Variants in EPHA6 observed in about 807,000 individuals in gnomAD.
EPHA6 encodes the protein ephrin type-A receptor 6.
A neutral mutation model predicts 112.0 loss-of-function variants in EPHA6; 50 were observed. That is an observed-to-expected ratio of 0.45 (90% CI 0.36 to 0.56). The LOEUF (loss-of-function observed/expected upper bound fraction) is 0.56, where lower values mean the gene tolerates loss of function less well. Among genes scored for constraint, EPHA6 ranks in the 20% least tolerant of loss-of-function variants. The probability of loss-of-function intolerance (pLI) is 0.00; values close to 1 mark genes in which losing one functional copy is unlikely to be tolerated. For missense variants in EPHA6, 1,280 were observed against 1,417.4 expected (o/e 0.90, Z 1.56); for synonymous variants, 529 against 490.7 (o/e 1.08, Z -1.03).
At chr3:97,530,981 C>T (rs2092688852) in intron 10 of EPHA6, among the ~76,000 whole-genome samples, 3 of 151,998 alleles carry the variant, frequency 2.0e-5, no homozygotes, top group Non-Finnish European at 4.4e-5. Flanking sequence ...TATGCTTAAA[C>T]TTATATTGTG....
intron 16 of EPHA6, among the ~76,000 whole-genome samples, chr3:97,743,419 C>A (rs938605107): frequency 1.3e-5 from 2 of 151,972 alleles, no homozygotes; most frequent in African/African-American, 4.8e-5. Flanking sequence ...GAATTTTTCC[C>A]AAAGAAGTTA....
chr3:97,468,157 T>G (rs1424540817), intron 7 of EPHA6, among the ~76,000 whole-genome samples: 1 of 148,896 alleles, frequency 6.7e-6, no homozygotes, highest in Non-Finnish European at 1.5e-5. Context: ...AAAAAAAAAG[T>G]ATGATCCCTG....
chr3:97,569,285 A>G (rs2093306358), intron 11 of EPHA6, among the ~76,000 whole-genome samples: 1 of 152,236 alleles, frequency 6.6e-6, no homozygotes, highest in African/African-American at 2.4e-5. Context: ...AGTGTTCAAT[A>G]AAAGCCTATT....
chr3:97,118,324 T>G (rs2047951690), intron 3 of EPHA6, among the ~76,000 whole-genome samples: 1 of 151,798 alleles, frequency 6.6e-6, no homozygotes. Context: ...GGTTCAGTTT[T>G]GGAGACTTTC....
At chr3:97,486,821 G>A (rs935565776) in intron 10 of EPHA6, among the ~76,000 whole-genome samples, 9 of 152,144 alleles carry the variant, frequency 5.9e-5, no homozygotes, top group Non-Finnish European at 8.8e-5. Context: ...CAGCAGTGTG[G>A]ACAAAACATT....
At chr3:96,939,705 A>G (rs1012228914) in intron 2 of EPHA6, among the ~76,000 whole-genome samples, 2 of 152,032 alleles carry the variant, frequency 1.3e-5, no homozygotes, top group Non-Finnish European at 2.9e-5. Flanking sequence ...TAGGGTGTCA[A>G]TTTAGGATCT....
intron 3 of EPHA6, among the ~76,000 whole-genome samples, chr3:97,219,061 A>C (rs1176271263): frequency 6.6e-6 from 1 of 152,102 alleles, no homozygotes; most frequent in African/African-American, 2.4e-5. Context: ...ACCCTGATGC[A>C]AGAGGTGGGC....
intron 3 of EPHA6, among the ~76,000 whole-genome samples, chr3:97,001,269 A>C (rs558181914): frequency 6.6e-6 from 1 of 152,018 alleles, no homozygotes; most frequent in Non-Finnish European, 1.5e-5. Context: ...TATTTGAAGA[A>C]TAATGTATTT....
intron 11 of EPHA6, among the ~76,000 whole-genome samples, chr3:97,589,703 T>G (rs1054810310): frequency 4.6e-5 from 7 of 152,142 alleles, no homozygotes; most frequent in Admixed American, 2.0e-4. Flanking sequence ...TTTAGAATAT[T>G]GTATGTGAAA....
At chr3:96,897,534 T>A (rs2038347137) in intron 2 of EPHA6, among the ~76,000 whole-genome samples, 1 of 152,180 alleles carries the variant, frequency 6.6e-6, no homozygotes, top group African/African-American at 2.4e-5. Context: ...CACTCTCTGT[T>A]TAGAAATGCA....
At chr3:97,091,158 A>T (rs1288795940) in intron 3 of EPHA6, among the ~76,000 whole-genome samples, 1 of 152,130 alleles carries the variant, frequency 6.6e-6, no homozygotes, top group Non-Finnish European at 1.5e-5. Flanking sequence ...GTGATTTCCC[A>T]TCCTGATCAA....
At chr3:97,685,081 T>C (rs1174357500) in intron 14 of EPHA6, among the ~76,000 whole-genome samples, 1 of 152,092 alleles carries the variant, frequency 6.6e-6, no homozygotes, top group Non-Finnish European at 1.5e-5. Context: ...ATTTGATAGG[T>C]TTTCCCAAAT....
intron 1 of EPHA6, among the ~76,000 whole-genome samples, chr3:96,821,544 G>C (rs1466391556): frequency 6.6e-6 from 1 of 151,812 alleles, no homozygotes; most frequent in Admixed American, 6.6e-5. Context: ...TGACTAGGCA[G>C]TGTATTTGCC....
At chr3:96,922,188 C>T (rs1338997053) in intron 2 of EPHA6, among the ~76,000 whole-genome samples, 3 of 152,146 alleles carry the variant, frequency 2.0e-5, no homozygotes, top group African/African-American at 7.2e-5. Flanking sequence ...AACTCTATTT[C>T]TGGTTAGCCA....
rs374288696 is a variant in EPHA6 at position 97,384,625 on chromosome 3, A to G, written c.1607-20525A>G. Among the ~76,000 whole-genome samples, 58 of 152,348 alleles carry G rather than the reference A, an allele frequency of 3.8e-4. 1 individual carries two copies. Among genetic ancestry groups the G allele is most frequent in the Middle Eastern group, 6.8e-3 (2 of 294 alleles). On this transcript the variant is annotated intron_variant, in intron 5 of 17. Coordinates refer to ENST00000389672, the MANE Select transcript of EPHA6 (RefSeq NM_001080448.3). ...CAAACTCTTGAGCCTGAGTCAACAG[A>G]ATAAACTTTTGAAAGGTTAATCTAA...
At chr3:97,493,755 G>A (rs2091909614) in intron 10 of EPHA6, among the ~76,000 whole-genome samples, 1 of 152,106 alleles carries the variant, frequency 6.6e-6, no homozygotes, top group Non-Finnish European at 1.5e-5. Flanking sequence ...AATTCATAAA[G>A]GATATGCCTG....
At chr3:97,289,502 T>C (rs1417344982) in intron 5 of EPHA6, among the ~76,000 whole-genome samples, 1 of 152,164 alleles carries the variant, frequency 6.6e-6, no homozygotes, top group East Asian at 1.9e-4. Flanking sequence ...TTGTTTGAAG[T>C]TGGGTAATGT....
intron 2 of EPHA6, among the ~76,000 whole-genome samples, chr3:96,897,072 TAATACATC>T (rs1393768867): frequency 7.0e-5 from 10 of 142,056 alleles, no homozygotes; most frequent in African/African-American, 2.9e-4. Context: ...CTATACATGC[TAATACATC>T]TTTAACAAAG....
At chr3:97,233,790 T>C (rs1399839215) in intron 4 of EPHA6, among the ~76,000 whole-genome samples, 1 of 152,100 alleles carries the variant, frequency 6.6e-6, no homozygotes, top group African/African-American at 2.4e-5. Flanking sequence ...AAATTTCAAG[T>C]ATGTGATGAA....
Sources: allele counts gnomAD v4.1 joint callset (sites outside exome capture counted in the v4.1 genomes callset), GRCh38; gene constraint gnomAD v4.1.1; transcripts MANE v1.5; gene names NCBI Gene and HGNC (gene_info 2026-07-23, HGNC 2026-07-21).